ACO2: variants seen among roughly 807,000 people sequenced by gnomAD.
ACO2 encodes aconitase 2.
In ACO2, 31 loss-of-function variants were observed where a neutral mutation model predicts 84.5. The ratio of observed to expected loss-of-function variants is 0.37; its 90% CI spans 0.28 to 0.50. The LOEUF is 0.50. Among genes scored for constraint, ACO2 ranks in the 20% least tolerant of loss-of-function variants. The probability of loss-of-function intolerance (pLI) is 0.97; values close to 1 mark genes in which losing one functional copy is unlikely to be tolerated. For synonymous variants in ACO2, 414 were observed against 412.7 expected (o/e 1.00, Z -0.04); for missense variants, 685 against 1,029.3 (o/e 0.67, Z 4.58).
At position 41,525,327 on chromosome 22, in the gene ACO2, G is replaced by A; in HGVS notation, c.1740G>A (p.Glu580=). Residue 580 remains glutamate, a synonymous_variant, in exon 14 of 18, where the codon GAG becomes GAA. Transcript: ENST00000216254. ...PFDKWDGKDL[E]DLQILIKVKG... ...ACAAGTGGGATGGCAAGGACCTGGA[G>A]GACCTGCAGATCCTCATCAAGGTCA... 1 of 1,614,018 alleles carries A rather than the reference G, an allele frequency of 6.2e-7. No homozygotes were observed. The highest frequency in any genetic ancestry group is 8.5e-7 in the Non-Finnish European group (1 of 1,180,018).
chr22:41,480,127 A>G (rs2038070317), intron 1 of ACO2, among the ~76,000 whole-genome samples: 2 of 152,134 alleles, frequency 1.3e-5, no homozygotes, highest in South Asian at 4.1e-4. Flanking sequence ...GGAGGGGGAG[A>G]AAATTGTTAG....
Position 41,523,688 on chromosome 22 carries a change from A to C in ACO2, c.1371-142A>C, listed in dbSNP as rs373758328. ...CTGCTCTGCGCGTGGCCCCAGGAGG[A>C]GGCAACCCTGGCAGGGCCTCTTCAT... On this transcript the variant is annotated intron_variant, in intron 11 of 17. Coordinates refer to ENST00000216254, the MANE Select transcript of ACO2 (RefSeq NM_001098.3). 264 of 732,600 alleles carry C rather than the reference A, an allele frequency of 3.6e-4. No individual in the cohort carries two copies. The African/African-American group carries it at 4.1e-3, about 11-fold the overall frequency. The allele number at this position is 732,600 out of a possible 1,614,324, so 45.4% of individuals were successfully genotyped here. A position where few individuals can be genotyped will look rare whatever the true frequency, so the allele number is the denominator to read the frequency against.
chr22:41,496,464 C>G (rs1360836974), intron 1 of ACO2, among the ~76,000 whole-genome samples: 1 of 152,068 alleles, frequency 6.6e-6, no homozygotes, highest in African/African-American at 2.4e-5. Flanking sequence ...ATAATCCCTC[C>G]AGATCCTCAC....
At chr22:41,499,197 C>A (rs1001271287) in intron 1 of ACO2, among the ~76,000 whole-genome samples, 8 of 152,110 alleles carry the variant, frequency 5.3e-5, no homozygotes, top group African/African-American at 1.9e-4. Flanking sequence ...TCCCTCTGAC[C>A]CATGGATATT....
chr22:41,528,261 G>A (rs2066645879), intron 17 of ACO2: 2 of 844,780 alleles, frequency 2.4e-6, no homozygotes, highest in African/African-American at 3.4e-5. Context: ...TGGCACTCAG[G>A]GGACAGCCCA....
chr22:41,519,560 C>G (rs1173865571), intron 8 of ACO2, among the ~76,000 whole-genome samples: 1 of 152,104 alleles, frequency 6.6e-6, no homozygotes, highest in Non-Finnish European at 1.5e-5. Context: ...AATCCCAGCA[C>G]TTTGGGAGGC....
chr22:41,498,341 C>T (rs2146104628), intron 1 of ACO2, among the ~76,000 whole-genome samples: 1 of 152,192 alleles, frequency 6.6e-6, no homozygotes, highest in Non-Finnish European at 1.5e-5. Flanking sequence ...TAATACAGAT[C>T]CCACCATAAC....
chr22:41,484,619 C>CAGCATGGA (rs1410816549), intron 1 of ACO2, among the ~76,000 whole-genome samples: 2 of 151,804 alleles, frequency 1.3e-5, no homozygotes, highest in African/African-American at 4.8e-5. Flanking sequence ...TCAAGTGATC[C>CAGCATGGA]TCCTGCCTCA....
At chr22:41,473,041 G>A (rs1298690475) in intron 1 of ACO2, among the ~76,000 whole-genome samples, 2 of 152,190 alleles carry the variant, frequency 1.3e-5, no homozygotes, top group Non-Finnish European at 1.5e-5. Context: ...GATGATTCTG[G>A]TTGTATGGTC....
At chr22:41,472,212 G>A (rs2037953823) in intron 1 of ACO2, among the ~76,000 whole-genome samples, 1 of 152,118 alleles carries the variant, frequency 6.6e-6, no homozygotes, top group South Asian at 2.1e-4. Flanking sequence ...AATTAGCTGG[G>A]TGTGGTGGCA....
At chr22:41,478,833 C>T (rs1010675849) in intron 1 of ACO2, among the ~76,000 whole-genome samples, 2 of 148,784 alleles carry the variant, frequency 1.3e-5, no homozygotes, top group South Asian at 2.1e-4. Context: ...GTGAGTGACA[C>T]GATCTCTGCT....
intron 1 of ACO2, among the ~76,000 whole-genome samples, chr22:41,490,532 C>A (rs1263397169): frequency 6.6e-6 from 1 of 152,184 alleles, no homozygotes; most frequent in Non-Finnish European, 1.5e-5. Context: ...GGGTTGTTCT[C>A]TTAAAAACAG....
intron 1 of ACO2, among the ~76,000 whole-genome samples, chr22:41,493,675 C>G (rs2066290885): frequency 6.6e-6 from 1 of 152,196 alleles, no homozygotes; most frequent in Non-Finnish European, 1.5e-5. Context: ...GGTGCGGTGG[C>G]TCATCCCTGT....
intron 1 of ACO2, among the ~76,000 whole-genome samples, chr22:41,490,087 C>T (rs1440154489): frequency 2.6e-5 from 4 of 152,134 alleles, no homozygotes; most frequent in Non-Finnish European, 4.4e-5. Context: ...CTTTGGGAGG[C>T]CCAGGCGGAT....
intron 1 of ACO2, among the ~76,000 whole-genome samples, chr22:41,493,945 G>A (rs1232048109): frequency 6.6e-6 from 1 of 151,958 alleles, no homozygotes; most frequent in Non-Finnish European, 1.5e-5. Flanking sequence ...TGTAATCCCA[G>A]CTACTTGGGA....
rs776635095 is a variant in ACO2, at chr22:41,515,939, C to T, written c.835+22C>T. ...ACTGGTGAGGAAGGCGGCCAGGCGA[C>T]GTGGCCCCTACCCTGTGCTGGGCCT... is the stretch of plus-strand genomic sequence containing the variant. On this transcript the variant is annotated intron_variant, in intron 6 of 17. Transcript: ENST00000216254. The surrounding 1 kb of genome is among the most constrained non-coding windows in gnomAD (Gnocchi z 5.8). 6 of 1,608,386 alleles carry T rather than the reference C, an allele frequency of 3.7e-6. No individual in the cohort carries two copies. The highest frequency in any genetic ancestry group is 1.3e-5 in the African/African-American group (1 of 74,908).
intron 10 of ACO2, 34 bp from the exon 11 acceptor site, chr22:41,523,171 C>T: frequency 6.3e-7 from 1 of 1,594,968 alleles, no homozygotes; most frequent in Non-Finnish European, 8.6e-7. Flanking sequence ...CTCTCACCCA[C>T]CCTTGACATT....
At chr22:41,475,187 T>C (rs1305261583) in intron 1 of ACO2, among the ~76,000 whole-genome samples, 1 of 148,518 alleles carries the variant, frequency 6.7e-6, no homozygotes, top group African/African-American at 2.5e-5. Context: ...TTTTTTTTTT[T>C]TTTGAGATAG....
rs1286090567 is a variant in ACO2, at chr22:41,515,958, T to TG, written c.835+44dup. 6.3e-7 allele frequency: 1 copy of TG among 1,592,676 alleles called. No individual in the cohort carries two copies. The highest frequency in any genetic ancestry group is 1.3e-5 in the African/African-American group (1 of 74,374). On this transcript the variant is annotated intron_variant, in intron 6 of 17. Coordinates refer to ENST00000216254, the MANE Select transcript of ACO2 (RefSeq NM_001098.3). The surrounding 1 kb of genome is among the most constrained non-coding windows in gnomAD (Gnocchi z 5.8). ...AGGCGACGTGGCCCCTACCCTGTGC[T>TG]GGGCCTGATGGGTCTCCAGTTGGGA... is the stretch of plus-strand genomic sequence containing the variant.
Sources: gnomAD v4.1 joint callset for allele counts (sites outside exome capture counted in the v4.1 genomes callset) on GRCh38, gnomAD v4.1.1 for gene constraint, Gnocchi (gnomAD v3.1) non-coding constraint, MANE v1.5 for transcripts, NCBI Gene and HGNC (gene_info 2026-07-23, HGNC 2026-07-21) for gene names.